The following PITRM1 variants were observed in gnomAD, a reference collection of about 807,000 sequenced individuals.
PITRM1 encodes pitrilysin metallopeptidase 1.
Under a neutral mutation model 129.9 loss-of-function variants are expected in PITRM1, and 100 were observed. The ratio of observed to expected loss-of-function variants is 0.77; its 90% CI spans 0.65 to 0.91. The LOEUF is 0.91. Among genes scored for constraint, PITRM1 ranks in the 40% least tolerant of loss-of-function variants. The probability of loss-of-function intolerance (pLI) is 0.00; values close to 1 mark genes in which losing one functional copy is unlikely to be tolerated. For missense variants in PITRM1, 1,471 were observed against 1,318.3 expected, an observed-to-expected ratio of 1.12 and a Z score of -1.79; for synonymous variants, 591 against 508.8, an observed-to-expected ratio of 1.16 and a Z score of -2.17.
chr10:3,151,031 C>T (rs939995127), intron 15 of PITRM1: 17 of 506,210 alleles, frequency 3.4e-5, no homozygotes, highest in Non-Finnish European at 4.7e-5. Context: ...CAGGAACACA[C>T]ACACACACGG....
At chr10:3,160,472 A>G in intron 7 of PITRM1, 142 bp from the exon 8 acceptor site, 1 of 647,126 alleles carries the variant, frequency 1.5e-6, no homozygotes, top group East Asian at 2.7e-5. Flanking sequence ...TTACTCAACC[A>G]AGGTCCAAAA....
chr10:3,163,714 C>A lies in PITRM1; in HGVS notation c.791+11G>T. 4 of 1,580,768 alleles carry A rather than the reference C, an allele frequency of 2.5e-6. No individual in the cohort carries two copies. Among genetic ancestry groups the A allele is most frequent in the African/African-American group, 1.4e-5 (1 of 72,486 alleles). On this transcript the variant is annotated intron_variant, in intron 7 of 26. Coordinates refer to ENST00000224949, the MANE Select transcript of PITRM1 (RefSeq NM_014889.4). ...ACAATCCACCATCAAACTTTTCCAA[C>A]AAAATATTACCTAGCATTGCTTGGG...
At chr10:3,145,406 CTCACT>C in intron 21 of PITRM1, 185 bp downstream of exon 21, 1 of 597,254 alleles carries the variant, frequency 1.7e-6, no homozygotes, top group Non-Finnish European at 2.9e-6. Context: ...AGGGTCTGAA[CTCACT>C]TAACTGGCCC....
In PITRM1 at chr10:3,167,086, T is replaced by C. The variant is rs368361513; in HGVS notation, c.160-44A>G. ...CACGACCAGTTAAACTTAGACAAAATGGCCTTTGAAATGGTTATGTTCGAC... is the reference window on the plus strand; with the variant it reads ...CACGACCAGTTAAACTTAGACAAAACGGCCTTTGAAATGGTTATGTTCGAC... On this transcript the variant is annotated intron_variant, in intron 2 of 26. Coordinates refer to ENST00000224949, the MANE Select transcript of PITRM1 (RefSeq NM_014889.4). 77 of 1,224,496 alleles carry C rather than the reference T, an allele frequency of 6.3e-5. No individual in the cohort carries two copies. The African/African-American group carries it at 1.1e-3, about 18-fold the overall frequency. The allele number at this position is 1,224,496 out of a possible 1,614,324, so 75.9% of individuals were successfully genotyped here. A position where few individuals can be genotyped will look rare whatever the true frequency, so the allele number is the denominator to read the frequency against.
chr10:3,140,852 T>TA (rs138821734), intron 23 of PITRM1, 40 bp from the exon 24 acceptor site: 64,124 of 1,484,716 alleles, frequency 0.043, 1,531 homozygotes, highest in Admixed American at 0.054. Flanking sequence ...CCGTGGCTGA[T>TA]AAAAAAGCAT....
Position 3,137,957 on chromosome 10 carries a change from G to A in PITRM1, c.*74C>T, listed in dbSNP as rs551151692. The A allele has an allele frequency of 7.3e-5, 63 of 858,142 alleles. No homozygotes were observed. The South Asian group carries it at 9.6e-4, about 13-fold the overall frequency. The allele number at this position is 858,142 out of a possible 1,614,324, so 53.2% of individuals were successfully genotyped here. ...CATAATATTCTTGGAAAAAGCAGTA[G>A]CATTTCTGACTTTTCATATTCAGCT... is the stretch of plus-strand genomic sequence containing the variant. On this transcript the variant is annotated 3_prime_UTR_variant, in exon 27 of 27. Coordinates refer to ENST00000224949, the MANE Select transcript of PITRM1 (RefSeq NM_014889.4).
intron 14 of PITRM1, 129 bp from the exon 15 acceptor site, chr10:3,151,492 A>T: frequency 1.6e-6 from 1 of 635,966 alleles, no homozygotes; most frequent in Admixed American, 2.5e-5. Flanking sequence ...GTACAGGAGC[A>T]CTGTGGTTTG....
intron 15 of PITRM1, among the ~76,000 whole-genome samples, chr10:3,150,209 A>G (rs1470733115): frequency 6.6e-6 from 1 of 152,074 alleles, no homozygotes; most frequent in Non-Finnish European, 1.5e-5. Context: ...TCCTGACCTC[A>G]AGGGGAGGGC....
chr10:3,149,782 A>G (rs1334621516), intron 15 of PITRM1, 29 bp from the exon 16 acceptor site: 2 of 1,612,270 alleles, frequency 1.2e-6, no homozygotes, highest in African/African-American at 1.3e-5. Flanking sequence ...TTTAATTTTT[A>G]TTGCTGCCAG....
intron 6 of PITRM1, chr10:3,164,262 G>C (rs2132494403): frequency 6.5e-6 from 1 of 154,454 alleles, no homozygotes; most frequent in South Asian, 2.0e-4. Context: ...TGGAAGAAAA[G>C]ACCACCAAAT....
chr10:3,159,405 A>G (rs1483437887), intron 9 of PITRM1, among the ~76,000 whole-genome samples: 1 of 152,226 alleles, frequency 6.6e-6, no homozygotes, highest in African/African-American at 2.4e-5. Context: ...CCCAGAGCCC[A>G]AGCCTTCCCT....
intron 6 of PITRM1, 71 bp from the exon 7 acceptor site, chr10:3,163,956 T>C (rs1316318686): frequency 7.7e-6 from 8 of 1,043,366 alleles, no homozygotes; most frequent in Middle Eastern, 6.0e-4. Context: ...ACTTACAATA[T>C]AGCCAATTGA....
At position 3,166,391 on chromosome 10, in the gene PITRM1, A is replaced by AGAGGAATGGCACACTAGGGAAGGC. The variant is rs572476455; in HGVS notation, c.267-12_267-11insGCCTTCCCTAGTGTGCCATTCCTC. 20 of 1,395,446 alleles carry AGAGGAATGGCACACTAGGGAAGGC rather than the reference A, an allele frequency of 1.4e-5. No homozygotes were observed. Among genetic ancestry groups the AGAGGAATGGCACACTAGGGAAGGC allele is most frequent in the East Asian group, 2.3e-5 (1 of 42,802 alleles). 86.4% of individuals were successfully genotyped at this position (1,395,446 alleles called of 1,614,324 possible). ...GTACGGAACTGCACGCTAGGGAAGG[A>AGAGGAATGGCACACTAGGGAAGGC]GAATGACCAGAACGCAAAAGGTTCA... On this transcript the variant is annotated splice_polypyrimidine_tract_variant and intron_variant, in intron 3 of 26. Transcript: ENST00000224949.
rs1357694137 is a variant in PITRM1 at position 3,138,094 on chromosome 10, G to A, written c.3051C>T (p.Gly1017=). Residue 1017 remains glycine (G), a synonymous_variant, in exon 27 of 27, where the codon GGC becomes GGT. Coordinates refer to ENST00000224949, the MANE Select transcript of PITRM1 (RefSeq NM_014889.4). ...RYLGTGKSTH[G]LAILGPENPK... is the part of the protein sequence containing the mutation. Reference sequence around the variant, plus strand: ...GGTTCTCGGGTCCGAGGATGGCCAGGCCGTGTGTGCTCTTCCCAGTGCCGA... The same window carrying A: ...GGTTCTCGGGTCCGAGGATGGCCAGACCGTGTGTGCTCTTCCCAGTGCCGA... 2.5e-6 allele frequency: 4 copies of A among 1,610,446 alleles called. No individual in the cohort carries two copies. In the African/African-American group the frequency reaches 5.3e-5, roughly 22 times the overall value.
intron 1 of PITRM1, among the ~76,000 whole-genome samples, chr10:3,171,930 CGAAAT>C (rs1222666814): frequency 2.0e-5 from 3 of 152,002 alleles, no homozygotes; most frequent in African/African-American, 7.3e-5. Context: ...TGTATCCCAC[CGAAAT>C]ATTTATTTTA....
At chr10:3,164,633 G>A (rs992438168) in intron 6 of PITRM1, among the ~76,000 whole-genome samples, 8 of 152,246 alleles carry the variant, frequency 5.3e-5, no homozygotes, top group South Asian at 4.1e-4. Context: ...TTATGTGGGC[G>A]TTTTTGCCTG....
At chr10:3,160,431 C>G in intron 7 of PITRM1, 101 bp from the exon 8 acceptor site, 1 of 974,892 alleles carries the variant, frequency 1.0e-6, no homozygotes, top group African/African-American at 1.6e-5. Context: ...TGCCCCTTAC[C>G]CAAGGTCTCG....
intron 7 of PITRM1, among the ~76,000 whole-genome samples, chr10:3,161,887 T>A (rs1230975873): frequency 6.6e-6 from 1 of 151,086 alleles, no homozygotes; most frequent in Non-Finnish European, 1.5e-5. Context: ...AGAACTCTCT[T>A]CTCCATGTTG....
chr10:3,163,769 C>A lies in PITRM1; in HGVS notation c.747G>T (p.Gln249His), dbSNP rs1420120828. The change falls in exon 7 of 27, where the codon CAG becomes CAT. Residue 249 changes from glutamine (Q) to histidine (H), a missense_variant. Coordinates refer to ENST00000224949, the MANE Select transcript of PITRM1 (RefSeq NM_014889.4). ...PLCIPELTWE[Q>H]LKQFHATHYH... is the part of the protein sequence containing the mutation. ...AGTGAGTGGCATGAAACTGCTTAAGCTGCTCCCATGTAAGCTCCGGGATGC... is the reference window on the plus strand; with the variant it reads ...AGTGAGTGGCATGAAACTGCTTAAGATGCTCCCATGTAAGCTCCGGGATGC... 6.2e-7 allele frequency: 1 copy of A among 1,613,012 alleles called. No individual in the cohort carries two copies. The highest frequency in any genetic ancestry group is 1.1e-5 in the South Asian group (1 of 90,820).
Sources: allele counts gnomAD v4.1 joint callset (sites outside exome capture counted in the v4.1 genomes callset), GRCh38; gene constraint gnomAD v4.1.1; transcripts MANE v1.5; gene names NCBI Gene and HGNC (gene_info 2026-07-23, HGNC 2026-07-21).